The following PDE7A variants were observed in gnomAD, a reference collection of about 807,000 sequenced individuals.
The protein encoded by PDE7A is high affinity 3',5'-cyclic-AMP phosphodiesterase 7A.
In PDE7A, 39 loss-of-function variants were observed where a neutral mutation model predicts 64.3. The observed-to-expected ratio is 0.61, with a 90% CI of 0.47 to 0.79. PDE7A has a LOEUF of 0.79. Among genes scored for constraint, PDE7A ranks in the 30% least tolerant of loss-of-function variants. The probability of loss-of-function intolerance (pLI) is 0.00; values close to 1 mark genes in which losing one functional copy is unlikely to be tolerated. For synonymous variants in PDE7A, 203 were observed against 206.8 expected (o/e 0.98, Z 0.16); for missense variants, 470 against 582.8 (o/e 0.81, Z 1.99).
At chr8:65,770,562 T>G (rs1049385255) in intron 3 of PDE7A, among the ~76,000 whole-genome samples, 3 of 152,154 alleles carry the variant, frequency 2.0e-5, no homozygotes, top group Middle Eastern at 3.2e-3. Flanking sequence ...AAGATGAGAT[T>G]TGGGAGGGGA....
chr8:65,729,293 GTT>G (rs1323193982), intron 7 of PDE7A, among the ~76,000 whole-genome samples: 1 of 143,618 alleles, frequency 7.0e-6, no homozygotes, highest in Non-Finnish European at 1.5e-5. Flanking sequence ...AAAGCTTACT[GTT>G]TTCACTGCCT....
chr8:65,787,959 T>C (rs1472720484), intron 1 of PDE7A, among the ~76,000 whole-genome samples: 1 of 152,206 alleles, frequency 6.6e-6, no homozygotes, highest in Non-Finnish European at 1.5e-5. Flanking sequence ...ATTTTAAAAT[T>C]TAAATACATT....
At chr8:65,812,659 T>C (rs1563516936) in intron 1 of PDE7A, among the ~76,000 whole-genome samples, 1 of 152,196 alleles carries the variant, frequency 6.6e-6, no homozygotes, top group Non-Finnish European at 1.5e-5. Context: ...ATTGGTAATA[T>C]TGTAATAAAA....
At chr8:65,740,546 A>G (rs918578770) in intron 5 of PDE7A, among the ~76,000 whole-genome samples, 4 of 151,904 alleles carry the variant, frequency 2.6e-5, no homozygotes, top group Non-Finnish European at 4.4e-5. Flanking sequence ...GAGTACAGGC[A>G]CCCGCCACCA....
At position 65,724,351 on chromosome 8, in the gene PDE7A, T is replaced by G. The variant is rs1351586159; in HGVS notation, c.1066A>C (p.Met356Leu). ...DTRHRHLVLQ[M>L]ALKCADICNP... ...CAAATATCAGCACATTTCAAAGCCA[T>G]CTAGCAAACAAAACATTAATATTGT... Residue 356 changes from methionine (M) to leucine (L), a missense_variant and splice_region_variant, in exon 11 of 13, where the codon ATG (methionine) becomes CTG (leucine). Transcript: ENST00000401827. 12 of 1,606,904 alleles carry G rather than the reference T, an allele frequency of 7.5e-6. No individual in the cohort carries two copies. Among genetic ancestry groups the G allele is most frequent in the Non-Finnish European group, 9.4e-6 (11 of 1,174,052 alleles).
intron 7 of PDE7A, chr8:65,728,333 A>T (rs1806692374): frequency 6.6e-6 from 1 of 152,228 alleles, no homozygotes; most frequent in East Asian, 1.9e-4. Context: ...TTTTAGATTC[A>T]AATTCTATTG....
At chr8:65,794,428 GA>G (rs79183770) in intron 1 of PDE7A, among the ~76,000 whole-genome samples, 80 of 135,816 alleles carry the variant, frequency 5.9e-4, no homozygotes, top group East Asian at 3.6e-3. Flanking sequence ...GTAGGTGAGG[GA>G]AAAAAAAAAA....
intron 1 of PDE7A, among the ~76,000 whole-genome samples, chr8:65,815,711 T>C (rs1016822209): frequency 5.3e-5 from 8 of 150,752 alleles, no homozygotes; most frequent in East Asian, 3.8e-4. Flanking sequence ...CTAAGATCCA[T>C]TGATAGAATA....
chr8:65,841,409 C>CGGAGCT lies in PDE7A; in HGVS notation c.94_99dup (p.Ser32_Ser33dup). Reference sequence around the variant, plus strand: ...CGGGGATTGGGGCAGCCGAAGAGAGCGGAGCTGGAGCTGAAGCTGATGGCT... The same window carrying CGGAGCT: ...CGGGGATTGGGGCAGCCGAAGAGAGCGGAGCTGGAGCTGGAGCTGAAGCTGATGGCT... On this transcript the variant is annotated inframe_insertion, in exon 1 of 13. Transcript: ENST00000401827. 1.3e-6 allele frequency: 2 copies of CGGAGCT among 1,564,194 alleles called. No individual in the cohort carries two copies. The highest frequency in any genetic ancestry group is 1.7e-6 in the Non-Finnish European group (2 of 1,159,412).
Position 65,764,820 on chromosome 8 carries a change from C to T in PDE7A, c.283+14900G>A, listed in dbSNP as rs370680908. Among the ~76,000 whole-genome samples, 10 of 152,152 alleles carry T rather than the reference C, an allele frequency of 6.6e-5. No individual in the cohort carries two copies. The East Asian group carries it at 1.5e-3, about 24-fold the overall frequency. The stretch of plus-strand genomic sequence containing the variant: ...AATCAAATACACATGAGGAACTAAG[C>T]GAAATTTAGGGAAAATTCTGTATGC... On this transcript the variant is annotated intron_variant, in intron 3 of 12. Transcript: ENST00000401827.
At chr8:65,763,321 T>C (rs777998403) in intron 3 of PDE7A, among the ~76,000 whole-genome samples, 4 of 152,044 alleles carry the variant, frequency 2.6e-5, no homozygotes, top group Non-Finnish European at 5.9e-5. Context: ...ATCCCAGCAC[T>C]TTGGGAGGCT....
intron 12 of PDE7A, chr8:65,722,383 T>TA (rs1263514849): frequency 6.6e-6 from 1 of 152,270 alleles, no homozygotes; most frequent in Admixed American, 6.5e-5. Context: ...ATGTAAGAAT[T>TA]ACGTTTCTGA....
At chr8:65,730,823 T>G (rs1463645209) in intron 7 of PDE7A, among the ~76,000 whole-genome samples, 1 of 152,138 alleles carries the variant, frequency 6.6e-6, no homozygotes, top group Admixed American at 6.5e-5. Context: ...CTTGGGAGGC[T>G]GAGACAAGAG....
chr8:65,820,400 A>T (rs1312046261), intron 1 of PDE7A, among the ~76,000 whole-genome samples: 1 of 152,140 alleles, frequency 6.6e-6, no homozygotes, highest in Non-Finnish European at 1.5e-5. Flanking sequence ...TGTTTCAAAA[A>T]AAAGAAAAGG....
At position 65,718,154 on chromosome 8, in the gene PDE7A, C is replaced by G. The variant is rs1806216010; in HGVS notation, c.*1136G>C. The G allele has an allele frequency of 6.6e-6, 1 of 152,224 alleles. No individual in the cohort carries two copies. Among genetic ancestry groups the G allele is most frequent in the Admixed American group, 6.5e-5 (1 of 15,290 alleles). 9.4% of individuals were successfully genotyped at this position (152,224 alleles called of 1,614,324 possible). A position where few individuals can be genotyped will look rare whatever the true frequency, so the allele number is the denominator to read the frequency against. ...GGAGCAATCTGTTACAGCTTACCTA[C>G]CAACCTTCCCCTCCCCCGAGTGTGG... On this transcript the variant is annotated 3_prime_UTR_variant, in exon 13 of 13. Transcript: ENST00000401827.
rs373447618 is a variant in PDE7A, at chr8:65,716,715, T to C, written c.*2575A>G. Among the ~76,000 whole-genome samples the C allele has an allele frequency of 2.0e-5, 3 of 152,352 alleles. No homozygotes were observed. The highest frequency in any genetic ancestry group is 3.9e-4 in the East Asian group (2 of 5,188). ...GATAGTGTTTTAAAAAAATAGTTAC[T>C]GTGAGCTTGGTTAATGTGGGTTTGC... On this transcript the variant is annotated 3_prime_UTR_variant, in exon 13 of 13. Coordinates refer to ENST00000401827, the MANE Select transcript of PDE7A (RefSeq NM_001242318.3).
At position 65,717,185 on chromosome 8, in the gene PDE7A, T is replaced by C. The variant is rs889398128; in HGVS notation, c.*2105A>G. 3.3e-5 allele frequency among the ~76,000 whole-genome samples: 5 copies of C among 152,362 alleles called. No individual in the cohort carries two copies. Among genetic ancestry groups the C allele is most frequent in the Non-Finnish European group, 5.9e-5 (4 of 68,016 alleles). Reference sequence around the variant, plus strand: ...TTATGTGGCTTGGATTCTGTTTCTATTGGACATCAACACTCTTCTGTACAA... The same window carrying C: ...TTATGTGGCTTGGATTCTGTTTCTACTGGACATCAACACTCTTCTGTACAA... On this transcript the variant is annotated 3_prime_UTR_variant, in exon 13 of 13. Coordinates refer to ENST00000401827, the MANE Select transcript of PDE7A (RefSeq NM_001242318.3).
chr8:65,822,131 G>C (rs1810556009), intron 1 of PDE7A, among the ~76,000 whole-genome samples: 1 of 152,182 alleles, frequency 6.6e-6, no homozygotes, highest in Non-Finnish European at 1.5e-5. Flanking sequence ...ACTCAACAGG[G>C]ACCCATCTAT....
At chr8:65,790,539 A>T (rs79819890) in intron 1 of PDE7A, among the ~76,000 whole-genome samples, 1 of 152,330 alleles carries the variant, frequency 6.6e-6, no homozygotes, top group African/African-American at 2.4e-5. Context: ...TCAAATAATA[A>T]TATTATTTTC....
Sources: gnomAD v4.1 joint callset for allele counts (sites outside exome capture counted in the v4.1 genomes callset) on GRCh38, gnomAD v4.1.1 for gene constraint, MANE v1.5 for transcripts, NCBI Gene and HGNC (gene_info 2026-07-23, HGNC 2026-07-21) for gene names.